SLC38A8: variants seen among roughly 807,000 people sequenced by gnomAD.
SLC38A8 encodes amino acid transporter SLC38A8.
Under a neutral mutation model 46.0 loss-of-function variants are expected in SLC38A8, and 65 were observed. The observed-to-expected ratio is 1.41, with a 90% CI of 1.16 to 1.74. The LOEUF is 1.74. SLC38A8 is among the 40% of genes most tolerant of loss of function. The pLI is 0.00. For missense variants in SLC38A8, 998 were observed against 567.9 expected (o/e 1.76, Z -7.70); for synonymous variants, 447 against 243.7 (o/e 1.83, Z -7.77).
chr16:84,031,602 A>T lies in SLC38A8; in HGVS notation c.632+265T>A, dbSNP rs872942. Among the ~76,000 whole-genome samples, 77,237 of 152,062 alleles carry T rather than the reference A, an allele frequency of 0.51. 19,784 individuals are homozygous for T. Among genetic ancestry groups the T allele is most frequent in the Middle Eastern group, 0.71 (208 of 294 alleles). On this transcript the variant is annotated intron_variant, in intron 5 of 10. Transcript: ENST00000299709. The stretch of plus-strand genomic sequence containing the variant: ...ACACTGTGGGGACAAGTCTGCAATA[A>T]CCTATGACCCCTAGGCCGCCGCAGC...
At position 84,023,505 on chromosome 16, in the gene SLC38A8, G is replaced by A. The variant is rs1259252139; in HGVS notation, c.691-616C>T. Reference sequence around the variant, plus strand: ...CAAGAGCAGAGGGCGTAAGTAAATGGCAGGATACTAACACACAGAGCATGA... The same window carrying A: ...CAAGAGCAGAGGGCGTAAGTAAATGACAGGATACTAACACACAGAGCATGA... On this transcript the variant is annotated intron_variant, in intron 6 of 10. Coordinates refer to ENST00000299709, the MANE Select transcript of SLC38A8 (RefSeq NM_001080442.3). 2.0e-5 allele frequency among the ~76,000 whole-genome samples: 3 copies of A among 152,044 alleles called. No individual in the cohort carries two copies. The East Asian group carries it at 5.8e-4, about 29-fold the overall frequency.
At chr16:84,037,255 C>T (rs906320735) in intron 2 of SLC38A8, among the ~76,000 whole-genome samples, 1 of 152,210 alleles carries the variant, frequency 6.6e-6, no homozygotes, top group Non-Finnish European at 1.5e-5. Flanking sequence ...AGGCAGTAGG[C>T]GTGGTGGCTT....
intron 2 of SLC38A8, among the ~76,000 whole-genome samples, chr16:84,038,985 GTTAA>G (rs1376756420): frequency 2.0e-5 from 3 of 152,216 alleles, no homozygotes; most frequent in Admixed American, 6.5e-5. Context: ...CAAGGAAAAT[GTTAA>G]TTAAGTGAAA....
chr16:84,024,012 T>C (rs2085128586), intron 6 of SLC38A8, among the ~76,000 whole-genome samples: 1 of 152,220 alleles, frequency 6.6e-6, no homozygotes, highest in African/African-American at 2.4e-5. Context: ...ATGTCTGGTG[T>C]GGGTTAACTC....
chr16:84,024,213 G>A (rs180809022), intron 6 of SLC38A8, among the ~76,000 whole-genome samples: 1 of 152,208 alleles, frequency 6.6e-6, no homozygotes, highest in Admixed American at 6.5e-5. Flanking sequence ...AAGGCAGGAT[G>A]GTGGTTTGGG....
chr16:84,016,553 T>C lies in SLC38A8; in HGVS notation c.1128A>G (p.Gly376=), dbSNP rs746975408. ...PDLSEIVSII[G]GISSFFIFIF... is the part of the protein sequence containing the mutation. The stretch of plus-strand genomic sequence containing the variant: ...TGAAGATGAAGAAGGAACTGATGCC[T>C]CCGATGATGCTGACGATCTCGCTGA... The change falls in exon 9 of 11, where the codon GGA becomes GGG. Residue 376 remains glycine (G), a synonymous_variant. Coordinates refer to ENST00000299709, the MANE Select transcript of SLC38A8 (RefSeq NM_001080442.3). 9.9e-6 allele frequency: 16 copies of C among 1,613,956 alleles called. No individual in the cohort carries two copies. The highest frequency in any genetic ancestry group is 1.3e-5 in the Non-Finnish European group (15 of 1,180,020).
chr16:84,017,091 A>C (rs1443745579), intron 8 of SLC38A8, 49 bp downstream of exon 8: 2 of 1,607,472 alleles, frequency 1.2e-6, no homozygotes, highest in Non-Finnish European at 8.5e-7. Flanking sequence ...ATCACAGCAC[A>C]CATCAGCAGA....
chr16:84,016,555 C>G lies in SLC38A8; in HGVS notation c.1126G>C (p.Gly376Arg). 6.2e-7 allele frequency: 1 copy of G among 1,614,074 alleles called. No homozygotes were observed. Among genetic ancestry groups the G allele is most frequent in the Non-Finnish European group, 8.5e-7 (1 of 1,180,004 alleles). ...PDLSEIVSII[G>R]GISSFFIFIF... ...AAGATGAAGAAGGAACTGATGCCTC[C>G]GATGATGCTGACGATCTCGCTGAGG... Residue 376 changes from glycine (G) to arginine (R), a missense_variant, in exon 9 of 11, where the codon GGA becomes CGA. Transcript: ENST00000299709.
chr16:84,024,065 T>G (rs1008088607), intron 6 of SLC38A8, among the ~76,000 whole-genome samples: 2 of 152,222 alleles, frequency 1.3e-5, no homozygotes, highest in African/African-American at 4.8e-5. Flanking sequence ...TGTTGTGCAG[T>G]GTCCCTGGCC....
intron 7 of SLC38A8, 94 bp downstream of exon 7, chr16:84,022,681 G>T: frequency 1.1e-6 from 1 of 943,004 alleles, no homozygotes; most frequent in Non-Finnish European, 1.7e-6. Context: ...ATTGAGCCCA[G>T]CACGTGGTAA....
chr16:84,035,803 G>C (rs1382910197), intron 3 of SLC38A8, among the ~76,000 whole-genome samples: 2 of 152,226 alleles, frequency 1.3e-5, no homozygotes, highest in Non-Finnish European at 2.9e-5. Context: ...CATGAAGCTT[G>C]ACAGAATAGG....
chr16:84,024,476 A>AG lies in SLC38A8; in HGVS notation c.691-1588dup, dbSNP rs201397311. Among the ~76,000 whole-genome samples, 82 of 151,898 alleles carry AG rather than the reference A, an allele frequency of 5.4e-4. No individual in the cohort carries two copies. The East Asian group carries it at 0.015, about 28-fold the overall frequency. ...TTACAAGTACGAGCCACCATGCCCA[A>AG]GGGGGATAAGAATTTTAAACGCAGG... On this transcript the variant is annotated intron_variant, in intron 6 of 10. Transcript: ENST00000299709.
upstream of SLC38A8, among the ~76,000 whole-genome samples, chr16:84,043,209 G>A (rs572917929): frequency 5.1e-4 from 77 of 152,280 alleles, no homozygotes; most frequent in African/African-American, 1.8e-3. Flanking sequence ...GGGAGGCGGC[G>A]GCTGCTGGTC....
chr16:84,042,084 G>T lies in SLC38A8; in HGVS notation c.74C>A (p.Ser25Tyr). The T allele has an allele frequency of 6.2e-7, 1 of 1,614,104 alleles. No individual in the cohort carries two copies. The highest frequency in any genetic ancestry group is 8.5e-7 in the Non-Finnish European group (1 of 1,180,002). Residue 25 changes from serine to tyrosine, a missense_variant, in exon 2 of 11, where the codon TCC becomes TAC. Transcript: ENST00000299709. The part of the protein sequence containing the change: ...PHPATAAATL[S>Y]SMGAVFILMK... ...GAGGATGAAGACAGCGCCCATCGAG[G>T]ACAGAGTGGCAGCAGCCGTGGCAGG...
At chr16:84,036,632 A>G (rs1245425826) in intron 3 of SLC38A8, 70 bp downstream of exon 3, 1 of 1,566,172 alleles carries the variant, frequency 6.4e-7, no homozygotes, top group Non-Finnish European at 8.7e-7. Context: ...GTCCTGCTCA[A>G]CTGGAAACTC....
chr16:84,023,866 C>G (rs1159036925), intron 6 of SLC38A8, among the ~76,000 whole-genome samples: 2 of 152,200 alleles, frequency 1.3e-5, no homozygotes, highest in Non-Finnish European at 1.5e-5. Flanking sequence ...TGCACTCCAG[C>G]CTGAAAGACA....
chr16:84,015,257 C>A (rs997059019), intron 9 of SLC38A8, among the ~76,000 whole-genome samples: 3 of 152,108 alleles, frequency 2.0e-5, no homozygotes, highest in African/African-American at 7.2e-5. Flanking sequence ...CTCCAGTGGG[C>A]CACTACAGTG....
intron 9 of SLC38A8, among the ~76,000 whole-genome samples, chr16:84,013,729 CTTTTT>C (rs11352373): frequency 1.7e-4 from 24 of 138,712 alleles, no homozygotes; most frequent in African/African-American, 6.0e-4. Flanking sequence ...GCACCCAGCC[CTTTTT>C]TTTTTTTTTT....
chr16:84,026,590 G>A (rs1246517820), intron 6 of SLC38A8, among the ~76,000 whole-genome samples: 1 of 152,202 alleles, frequency 6.6e-6, no homozygotes, highest in African/African-American at 2.4e-5. Flanking sequence ...CCAGGAGGTG[G>A]TGGCAGTGGG....
Sources: allele counts gnomAD v4.1 joint callset (sites outside exome capture counted in the v4.1 genomes callset), GRCh38; gene constraint gnomAD v4.1.1; transcripts MANE v1.5; gene names NCBI Gene and HGNC (gene_info 2026-07-23, HGNC 2026-07-21).